The following SPAG16 variants were observed in gnomAD, a reference collection of about 807,000 sequenced individuals.
SPAG16 encodes sperm associated antigen 16.
A neutral mutation model predicts 80.4 loss-of-function variants in SPAG16; 86 were observed. The observed-to-expected ratio is 1.07, with a 90% CI of 0.90 to 1.28. The LOEUF (loss-of-function observed/expected upper bound fraction) is 1.28. SPAG16 is among the 50% of genes most tolerant of loss of function. The pLI is 0.00. For synonymous variants in SPAG16, 294 were observed against 265.9 expected (o/e 1.11, Z -1.03); for missense variants, 870 against 765.3 (o/e 1.14, Z -1.61).
intron 10 of SPAG16, among the ~76,000 whole-genome samples, chr2:213,597,430 AAAC>A (rs768244340): frequency 7.9e-5 from 12 of 152,300 alleles, no homozygotes; most frequent in Non-Finnish European, 1.5e-4. Flanking sequence ...ACAGTTCTAC[AAAC>A]AACAACATTT....
At chr2:213,803,793 G>T (rs1050055706) in intron 10 of SPAG16, among the ~76,000 whole-genome samples, 3 of 152,122 alleles carry the variant, frequency 2.0e-5, no homozygotes, top group African/African-American at 7.2e-5. Flanking sequence ...GCTGGAGCAC[G>T]GTGGTGCCAT....
At chr2:213,456,179 T>C (rs2072001038) in intron 9 of SPAG16, among the ~76,000 whole-genome samples, 1 of 152,232 alleles carries the variant, frequency 6.6e-6, no homozygotes, top group Admixed American at 6.5e-5. Context: ...TTATTAAGTT[T>C]TTTCATGTCT....
intron 15 of SPAG16, among the ~76,000 whole-genome samples, chr2:214,168,516 C>A (rs965907093): frequency 1.3e-5 from 2 of 152,032 alleles, no homozygotes; most frequent in African/African-American, 4.8e-5. Context: ...TGCACACACA[C>A]ACACATTCAT....
At chr2:213,860,036 A>G (rs2105939022) in intron 10 of SPAG16, among the ~76,000 whole-genome samples, 1 of 107,596 alleles carries the variant, frequency 9.3e-6, no homozygotes, top group Non-Finnish European at 2.1e-5. Context: ...ATGTCTCATT[A>G]TGGAGTTGAG....
At chr2:213,622,430 G>A (rs1289660263) in intron 10 of SPAG16, among the ~76,000 whole-genome samples, 4 of 152,118 alleles carry the variant, frequency 2.6e-5, no homozygotes, top group African/African-American at 7.2e-5. Flanking sequence ...CTTTCCTGCT[G>A]TATAAACTCC....
chr2:214,017,943 G>T (rs1206325230), intron 13 of SPAG16, among the ~76,000 whole-genome samples: 19 of 151,974 alleles, frequency 1.3e-4, no homozygotes, highest in Non-Finnish European at 5.9e-5. Flanking sequence ...AATGAAATAT[G>T]ATTCCTAAAT....
intron 13 of SPAG16, among the ~76,000 whole-genome samples, chr2:214,080,480 C>T (rs949763916): frequency 1.0e-4 from 15 of 149,734 alleles, no homozygotes; most frequent in African/African-American, 3.4e-4. Context: ...TGGTGGTGGG[C>T]GCCTGTAGTC....
At chr2:214,088,267 G>A (rs1049752474) in intron 13 of SPAG16, among the ~76,000 whole-genome samples, 1 of 151,864 alleles carries the variant, frequency 6.6e-6, no homozygotes, top group Non-Finnish European at 1.5e-5. Context: ...AGCCATCACC[G>A]AGATGAATGG....
chr2:214,030,334 T>C (rs1456200655), intron 13 of SPAG16, among the ~76,000 whole-genome samples: 1 of 152,156 alleles, frequency 6.6e-6, no homozygotes, highest in Admixed American at 6.6e-5. Context: ...AACTGTTGCA[T>C]TGTATGTATA....
intron 15 of SPAG16, among the ~76,000 whole-genome samples, chr2:214,268,398 A>G (rs796104567): frequency 3.6e-4 from 54 of 152,064 alleles, no homozygotes; most frequent in African/African-American, 1.3e-3. Context: ...TGGAAACAAT[A>G]TAAGTGTCCA....
intron 9 of SPAG16, among the ~76,000 whole-genome samples, chr2:213,390,133 A>G (rs1231269825): frequency 6.6e-6 from 1 of 152,340 alleles, no homozygotes; most frequent in South Asian, 2.1e-4. Context: ...AACCAATAAC[A>G]GAAAGACAAA....
chr2:213,967,667 A>G (rs1004567892), intron 12 of SPAG16, among the ~76,000 whole-genome samples: 2 of 152,206 alleles, frequency 1.3e-5, no homozygotes, highest in African/African-American at 4.8e-5. Flanking sequence ...ATGATTATTA[A>G]ATAGCAAAGT....
intron 15 of SPAG16, among the ~76,000 whole-genome samples, chr2:214,404,769 GA>G (rs748285193): frequency 2.2e-4 from 33 of 150,450 alleles, no homozygotes; most frequent in Admixed American, 1.1e-3. Flanking sequence ...TTGGAGTCTA[GA>G]AAAAAAAATA....
At chr2:214,003,055 A>G (rs545373443) in intron 12 of SPAG16, among the ~76,000 whole-genome samples, 38 of 152,308 alleles carry the variant, frequency 2.5e-4, no homozygotes, top group African/African-American at 7.9e-4. Flanking sequence ...CGTAGTGTAA[A>G]TACCCTCACC....
At chr2:213,812,672 T>C (rs2072246319) in intron 10 of SPAG16, among the ~76,000 whole-genome samples, 1 of 152,182 alleles carries the variant, frequency 6.6e-6, no homozygotes, top group Non-Finnish European at 1.5e-5. Context: ...GAACATTTGG[T>C]ATCCAAATAA....
chr2:213,906,162 C>A (rs2106146241), intron 11 of SPAG16, among the ~76,000 whole-genome samples: 2 of 151,488 alleles, frequency 1.3e-5, no homozygotes, highest in South Asian at 2.1e-4. Flanking sequence ...GCCACATTCA[C>A]CCTTAGCTCC....
chr2:213,355,377 GTAGT>G (rs2065580794), intron 7 of SPAG16, among the ~76,000 whole-genome samples: 1 of 79,002 alleles, frequency 1.3e-5, no homozygotes, highest in African/African-American at 3.7e-5. Context: ...GAACTTTAAA[GTAGT>G]TTTCTCTAAC....
chr2:213,746,478 T>C (rs900587770), intron 10 of SPAG16, among the ~76,000 whole-genome samples: 2 of 152,214 alleles, frequency 1.3e-5, no homozygotes, highest in African/African-American at 4.8e-5. Context: ...GTGATGCTTA[T>C]GTAAATAAAC....
intron 15 of SPAG16, among the ~76,000 whole-genome samples, chr2:214,298,863 G>T (rs1694341063): frequency 1.3e-5 from 2 of 152,276 alleles, no homozygotes; most frequent in South Asian, 4.1e-4. Flanking sequence ...GCCATGGTGT[G>T]AGTCAGGATT....
Sources: gnomAD v4.1 joint callset for allele counts (sites outside exome capture counted in the v4.1 genomes callset) on GRCh38, gnomAD v4.1.1 for gene constraint, MANE v1.5 for transcripts, NCBI Gene and HGNC (gene_info 2026-07-23, HGNC 2026-07-21) for gene names.